The following EFCAB6 variants were observed in gnomAD, a reference collection of about 807,000 sequenced individuals.
EFCAB6 encodes the protein EF-hand calcium binding domain 6.
A neutral mutation model predicts 169.8 loss-of-function variants in EFCAB6; 156 were observed. The observed-to-expected ratio is 0.92, with a 90% CI of 0.81 to 1.05. The LOEUF (loss-of-function observed/expected upper bound fraction) is 1.05, where lower values mean the gene tolerates loss of function less well. Among genes scored for constraint, EFCAB6 ranks in the 50% least tolerant of loss-of-function variants. The pLI, the probability that EFCAB6 is intolerant of heterozygous loss-of-function variation, is 0.00. For missense variants in EFCAB6, 1,800 were observed against 1,829.1 expected, an observed-to-expected ratio of 0.98 and a Z score of 0.29; for synonymous variants, 698 against 676.4, an observed-to-expected ratio of 1.03 and a Z score of -0.50.
At chr22:43,589,320 A>ATG (rs746149286) in intron 24 of EFCAB6, among the ~76,000 whole-genome samples, 1 of 59,772 alleles carries the variant, frequency 1.7e-5, no homozygotes, top group Non-Finnish European at 3.6e-5. Context: ...AAAAAAAAAA[A>ATG]AGAAGTACAG....
At chr22:43,576,777 A>C (rs2050284014) in intron 25 of EFCAB6, among the ~76,000 whole-genome samples, 1 of 152,214 alleles carries the variant, frequency 6.6e-6, no homozygotes, top group Admixed American at 6.5e-5. Flanking sequence ...AAGCACCCGT[A>C]ACCTTCCTGA....
At chr22:43,564,881 G>A (rs554699455) in intron 26 of EFCAB6, among the ~76,000 whole-genome samples, 27 of 152,314 alleles carry the variant, frequency 1.8e-4, no homozygotes, top group African/African-American at 6.3e-4. Context: ...TTCATAGAAG[G>A]GGGTGGTAGA....
chr22:43,687,532 A>T lies in EFCAB6; in HGVS notation c.1081T>A (p.Ser361Thr), dbSNP rs147437511. The T allele has an allele frequency of 2.2e-5, 36 of 1,603,722 alleles. No homozygotes were observed. The highest frequency in any genetic ancestry group is 2.8e-5 in the Non-Finnish European group (33 of 1,176,884). The change falls in exon 11 of 32, where the codon TCA becomes ACA. Residue 361 changes from serine to threonine, a missense_variant. Transcript: ENST00000262726. The stretch of plus-strand genomic sequence containing the variant: ...TGCAACCCCTGAGGCTCATGAAATG[A>T]TGTTAGAAATTGCTTCCAATTGATT... ...TKINWKQFLT[S>T]FHEPQGLQVS...
intron 17 of EFCAB6, among the ~76,000 whole-genome samples, chr22:43,638,390 G>A (rs951479149): frequency 6.6e-6 from 1 of 152,110 alleles, no homozygotes; most frequent in South Asian, 2.1e-4. Context: ...AACTATGGTC[G>A]GGCATGTGTT....
intron 10 of EFCAB6, among the ~76,000 whole-genome samples, chr22:43,703,495 A>G (rs137816): frequency 0.23 from 34,889 of 152,068 alleles, 4,131 homozygotes; most frequent in Middle Eastern, 0.27. Flanking sequence ...CAAAGCTCCA[A>G]CAATGGACCC....
At chr22:43,674,242 T>C (rs769850754) in intron 13 of EFCAB6, among the ~76,000 whole-genome samples, 1 of 152,246 alleles carries the variant, frequency 6.6e-6, no homozygotes, top group Non-Finnish European at 1.5e-5. Context: ...TGCACATCTA[T>C]GTTTTCTAAT....
chr22:43,619,038 G>A (rs2053943985), intron 20 of EFCAB6, among the ~76,000 whole-genome samples: 1 of 152,110 alleles, frequency 6.6e-6, no homozygotes, highest in Non-Finnish European at 1.5e-5. Flanking sequence ...GCCCTTGGGG[G>A]CTACAGAGTG....
rs200613808 is a variant in EFCAB6 at position 43,626,538 on chromosome 22, T to C, written c.2374A>G (p.Arg792Gly). ...FERFLGLLGL[R>G]LSVTLNFREF... ...CGAAAATTTAAAGTGACACTAAGTC[T>C]CAAGCCAAGAAGGCCAAGGAAGCGC... Residue 792 changes from arginine (R) to glycine (G), a missense_variant, in exon 20 of 32, where the codon AGA becomes GGA. Arg to Gly is a moderately radical substitution (Grantham distance 125). Coordinates refer to ENST00000262726, the MANE Select transcript of EFCAB6 (RefSeq NM_022785.4). 2.8e-5 allele frequency: 45 copies of C among 1,614,172 alleles called. No individual in the cohort carries two copies. In the Admixed American group the frequency reaches 7.5e-4, roughly 27 times the overall value.
chr22:43,784,541 G>GTGTGTGTGTATA (rs1556409935), intron 2 of EFCAB6, among the ~76,000 whole-genome samples: 2 of 79,722 alleles, frequency 2.5e-5, no homozygotes, highest in East Asian at 6.2e-4. Context: ...GTGTGTGTGT[G>GTGTGTGTGTATA]TGTATATGTA....
chr22:43,731,860 A>C, intron 7 of EFCAB6, 49 bp from the exon 8 acceptor site: 1 of 1,261,680 alleles, frequency 7.9e-7, no homozygotes, highest in Non-Finnish European at 1.1e-6. Flanking sequence ...ATCTAAAATG[A>C]AGCAAGTTTG....
intron 10 of EFCAB6, among the ~76,000 whole-genome samples, chr22:43,703,422 T>C (rs1247058650): frequency 6.6e-6 from 1 of 152,118 alleles, no homozygotes; most frequent in Non-Finnish European, 1.5e-5. Context: ...AATGCATGGA[T>C]ACCAACACGA....
intron 22 of EFCAB6, among the ~76,000 whole-genome samples, chr22:43,606,157 T>C (rs2147599539): frequency 6.6e-6 from 1 of 152,310 alleles, no homozygotes; most frequent in East Asian, 1.9e-4. Context: ...GCAAACCAGA[T>C]TCACCATCAC....
At chr22:43,781,009 C>T (rs937674627) in intron 3 of EFCAB6, among the ~76,000 whole-genome samples, 12 of 152,194 alleles carry the variant, frequency 7.9e-5, no homozygotes, top group Non-Finnish European at 1.2e-4. Context: ...CTTTATCTCC[C>T]TCTCTAGACT....
At chr22:43,724,367 C>CTTTTTTTTT (rs58226287) in intron 8 of EFCAB6, among the ~76,000 whole-genome samples, 4 of 107,902 alleles carry the variant, frequency 3.7e-5, no homozygotes, top group South Asian at 3.0e-4. Context: ...TTTCTTTTTT[C>CTTTTTTTTT]TTTTTTTTTT....
At chr22:43,758,881 C>T (rs528938354) in intron 5 of EFCAB6, among the ~76,000 whole-genome samples, 2 of 152,082 alleles carry the variant, frequency 1.3e-5, no homozygotes, top group Non-Finnish European at 2.9e-5. Flanking sequence ...TCAAATTAAC[C>T]TTTAGAGGCA....
chr22:43,717,189 A>G (rs2059360365), intron 8 of EFCAB6, among the ~76,000 whole-genome samples: 9 of 152,178 alleles, frequency 5.9e-5, no homozygotes, highest in Admixed American at 5.2e-4. Flanking sequence ...TAGGATAAAC[A>G]CTAGATAGAG....
chr22:43,677,934 A>G, intron 13 of EFCAB6, 62 bp downstream of exon 13: 1 of 1,511,918 alleles, frequency 6.6e-7, no homozygotes, highest in Middle Eastern at 1.8e-4. Context: ...ATCTCTTATT[A>G]GGAATACTGA....
chr22:43,689,353 AC>A (rs1423153884), intron 10 of EFCAB6, among the ~76,000 whole-genome samples: 20 of 150,208 alleles, frequency 1.3e-4, no homozygotes, highest in South Asian at 4.2e-4. Context: ...GCACGTGCAC[AC>A]ACACACACAC....
chr22:43,734,152 G>A (rs202037767), intron 7 of EFCAB6, among the ~76,000 whole-genome samples: 2 of 152,176 alleles, frequency 1.3e-5, no homozygotes, highest in South Asian at 2.1e-4. Flanking sequence ...ACCAAGAGCC[G>A]AATGTTGATA....
Sources: allele counts gnomAD v4.1 joint callset (sites outside exome capture counted in the v4.1 genomes callset), GRCh38; gene constraint gnomAD v4.1.1; transcripts MANE v1.5; gene names NCBI Gene and HGNC (gene_info 2026-07-23, HGNC 2026-07-21).